The following CLDN11 variants were observed in gnomAD, a reference collection of about 807,000 sequenced individuals.
CLDN11 encodes claudin 11.
In CLDN11, 1 loss-of-function variant was observed where a neutral mutation model predicts 18.0. The observed-to-expected ratio is 0.06, with a 90% CI of 0.02 to 0.26. The LOEUF (loss-of-function observed/expected upper bound fraction) is 0.26, where lower values mean the gene tolerates loss of function less well. CLDN11 is among the 10% of genes least tolerant of loss of function. The probability of loss-of-function intolerance (pLI) is 1.00; values close to 1 mark genes in which losing one functional copy is unlikely to be tolerated. For synonymous variants in CLDN11, 116 were observed against 121.5 expected, an observed-to-expected ratio of 0.96 and a Z score of 0.30; for missense variants, 172 against 276.6, an observed-to-expected ratio of 0.62 and a Z score of 2.68.
chr3:170,431,344 CATTGTTATTATT>C (rs1353365302), intron 2 of CLDN11, among the ~76,000 whole-genome samples: 39 of 152,116 alleles, frequency 2.6e-4, no homozygotes, highest in Non-Finnish European at 3.4e-4. Flanking sequence ...ATGGAAACCT[CATTGTTATTATT>C]ATTGTTATTA....
Position 170,423,553 on chromosome 3 carries a change from A to C in CLDN11, c.391+226A>C, listed in dbSNP as rs547811519. The C allele has an allele frequency of 1.3e-5, 7 of 532,828 alleles. No homozygotes were observed. In the East Asian group the frequency reaches 2.1e-4, roughly 16 times the overall value. The allele number at this position is 532,828 out of a possible 1,614,324, so 33.0% of individuals were successfully genotyped here. On this transcript the variant is annotated intron_variant, in intron 2 of 2. Transcript: ENST00000064724. The stretch of plus-strand genomic sequence containing the variant: ...ACTGACCATGAAGATAAGTTTAAAA[A>C]GAGAAAGAGGATTTTGAAGGTAGGA...
chr3:170,427,900 G>T (rs1390138534), intron 2 of CLDN11, among the ~76,000 whole-genome samples: 1 of 151,744 alleles, frequency 6.6e-6, no homozygotes, highest in Non-Finnish European at 1.5e-5. Context: ...GTTCACGCCT[G>T]TAATCTAGCA....
Position 170,419,277 on chromosome 3 carries a change from A to C in CLDN11, c.211A>C (p.Ile71Leu), listed in dbSNP as rs1738663317. The C allele has an allele frequency of 6.4e-7, 1 of 1,561,058 alleles. No individual in the cohort carries two copies. The highest frequency in any genetic ancestry group is 1.2e-5 in the South Asian group (1 of 84,730). Residue 71 changes from isoleucine to leucine, a missense_variant, in exon 1 of 3, where the codon ATC becomes CTC. By Grantham distance (5) the Ile-to-Leu change is conservative (BLOSUM62 2). Transcript: ENST00000064724. The surrounding 1 kb of genome is among the most constrained non-coding windows in gnomAD (Gnocchi z 8.6). ...GLYHCKPLVD[I>L]LILPGYVQAC... ...GTACCACTGCAAGCCCCTGGTGGACATCCTCATCCTGCCGGGTAAGGACCC... is the reference window on the plus strand; with the variant it reads ...GTACCACTGCAAGCCCCTGGTGGACCTCCTCATCCTGCCGGGTAAGGACCC...
chr3:170,418,903 G>C lies in CLDN11; in HGVS notation c.-164G>C. 1 of 584,458 alleles carries C rather than the reference G, an allele frequency of 1.7e-6. No individual in the cohort carries two copies. Among genetic ancestry groups the C allele is most frequent in the Non-Finnish European group, 3.0e-6 (1 of 331,372 alleles). 36.2% of individuals were successfully genotyped at this position (584,458 alleles called of 1,614,324 possible). On this transcript the variant is annotated 5_prime_UTR_variant, in exon 1 of 3. Transcript: ENST00000064724. The surrounding 1 kb of genome is among the most constrained non-coding windows in gnomAD (Gnocchi z 4.3). ...TCCCCGCCGTGCGCCCTTCGCCGCTGAGCTCGCAGCCTCCGGCGCCCACCT... is the reference window on the plus strand; with the variant it reads ...TCCCCGCCGTGCGCCCTTCGCCGCTCAGCTCGCAGCCTCCGGCGCCCACCT...
At position 170,420,284 on chromosome 3, in the gene CLDN11, C is replaced by A. The variant is rs183630175; in HGVS notation, c.226+992C>A. 2.9e-3 allele frequency among the ~76,000 whole-genome samples: 435 copies of A among 152,344 alleles called. 3 individuals carry two copies. The highest frequency in any genetic ancestry group is 0.01 in the African/African-American group (422 of 41,582). ...TCTGCTGGAATCTCTGCTCTACCCC[C>A]AAGGCATGTCCCTACAAGGTGGGCT... is the stretch of plus-strand genomic sequence containing the variant. On this transcript the variant is annotated intron_variant, in intron 1 of 2. Transcript: ENST00000064724.
chr3:170,427,581 A>G (rs1454180581), intron 2 of CLDN11, among the ~76,000 whole-genome samples: 2 of 152,130 alleles, frequency 1.3e-5, no homozygotes, highest in Non-Finnish European at 2.9e-5. Context: ...AGATCGCACC[A>G]TTGCACTCCA....
At chr3:170,420,280 C>T (rs575392528) in intron 1 of CLDN11, among the ~76,000 whole-genome samples, 9 of 152,038 alleles carry the variant, frequency 5.9e-5, no homozygotes, top group African/African-American at 2.2e-4. Flanking sequence ...CTCTGCTCTA[C>T]CCCCAAGGCA....
intron 2 of CLDN11, among the ~76,000 whole-genome samples, chr3:170,431,723 C>T (rs1739006865): frequency 6.6e-6 from 1 of 152,082 alleles, no homozygotes; most frequent in Non-Finnish European, 1.5e-5. Flanking sequence ...AAAATCAAAA[C>T]CAAAATGAAG....
intron 2 of CLDN11, among the ~76,000 whole-genome samples, chr3:170,427,340 G>T (rs1738882327): frequency 6.6e-6 from 1 of 152,136 alleles, no homozygotes; most frequent in Non-Finnish European, 1.5e-5. Flanking sequence ...GTTCTTTCAG[G>T]GCTGGACGTG....
chr3:170,427,636 CA>C (rs1288702641), intron 2 of CLDN11, among the ~76,000 whole-genome samples: 1 of 150,718 alleles, frequency 6.6e-6, no homozygotes, highest in Non-Finnish European at 1.5e-5. Flanking sequence ...AAACAAAAAA[CA>C]AAAAAACCAA....
At chr3:170,422,964 C>G in intron 1 of CLDN11, 199 bp from the exon 2 acceptor site, 1 of 598,500 alleles carries the variant, frequency 1.7e-6, no homozygotes, top group South Asian at 2.4e-5. Context: ...CATTTAGTTT[C>G]TCCAGCCCCC....
At chr3:170,427,519 G>A (rs563460713) in intron 2 of CLDN11, among the ~76,000 whole-genome samples, 2 of 152,174 alleles carry the variant, frequency 1.3e-5, no homozygotes, top group South Asian at 2.1e-4. Flanking sequence ...TACTTGGGAG[G>A]CTGAGGCAGG....
In CLDN11 at chr3:170,432,768, G is replaced by T; in HGVS notation, c.*12G>T. 1 of 1,613,436 alleles carries T rather than the reference G, an allele frequency of 6.2e-7. No individual in the cohort carries two copies. The highest frequency in any genetic ancestry group is 8.5e-7 in the Non-Finnish European group (1 of 1,179,354). Reference sequence around the variant, plus strand: ...GTGCCCACGTATAAGAGGGCTGCCCGGCTGCCCACAGAGGTGCTGTAGATG... The same window carrying T: ...GTGCCCACGTATAAGAGGGCTGCCCTGCTGCCCACAGAGGTGCTGTAGATG... On this transcript the variant is annotated 3_prime_UTR_variant, in exon 3 of 3. Transcript: ENST00000064724.
At position 170,420,000 on chromosome 3, in the gene CLDN11, G is replaced by A. The variant is rs957719297; in HGVS notation, c.226+708G>A. Among the ~76,000 whole-genome samples the A allele has an allele frequency of 1.3e-5, 2 of 152,250 alleles. No homozygotes were observed. The highest frequency in any genetic ancestry group is 4.8e-5 in the African/African-American group (2 of 41,470). ...ACGCCGGCTCCCGCTCCGCGCCGCT[G>A]GGTTGGATAGGGACGAGCGGGCGCT... On this transcript the variant is annotated intron_variant, in intron 1 of 2. Coordinates refer to ENST00000064724, the MANE Select transcript of CLDN11 (RefSeq NM_005602.6). This position sits in a 1 kb window ranked among gnomAD's most constrained non-coding sequence, Gnocchi z 8.6.
chr3:170,421,156 G>C (rs1032329255), intron 1 of CLDN11: 3 of 283,098 alleles, frequency 1.1e-5, no homozygotes, highest in East Asian at 4.2e-4. Context: ...TGGGGGTGGG[G>C]GGGGGGTGGG....
rs1452204181 is a variant in CLDN11 at position 170,432,856 on chromosome 3, C to G, written c.*100C>G. On this transcript the variant is annotated 3_prime_UTR_variant, in exon 3 of 3. Transcript: ENST00000064724. ...GGGAAGCCCATTCCTCTGCCAGGCT[C>G]TAAAGCCAAAGGTCTAGAAAAGCAT... The G allele has an allele frequency of 8.6e-7, 1 of 1,156,946 alleles. No homozygotes were observed. Among genetic ancestry groups the G allele is most frequent in the Non-Finnish European group, 1.3e-6 (1 of 784,518 alleles). The allele number at this position is 1,156,946 out of a possible 1,614,324, so 71.7% of individuals were successfully genotyped here. A position where few individuals can be genotyped will look rare whatever the true frequency, so the allele number is the denominator to read the frequency against.
At chr3:170,427,806 CAA>C (rs1175282704) in intron 2 of CLDN11, among the ~76,000 whole-genome samples, 25 of 56,070 alleles carry the variant, frequency 4.5e-4, no homozygotes, top group Non-Finnish European at 5.6e-4. Context: ...GAGACTGTCT[CAA>C]AAAAAAAAAA....
At chr3:170,426,017 C>G (rs1738843927) in intron 2 of CLDN11, among the ~76,000 whole-genome samples, 1 of 152,134 alleles carries the variant, frequency 6.6e-6, no homozygotes, top group Non-Finnish European at 1.5e-5. Flanking sequence ...TGGACTGTTT[C>G]TGTCACTCCC....
At chr3:170,423,004 A>G (rs1477211) in intron 1 of CLDN11, 159 bp from the exon 2 acceptor site, 623,157 of 758,440 alleles carry the variant, frequency 0.82, 258,111 homozygotes, top group East Asian at 0.99. Flanking sequence ...TTTAAAAGTT[A>G]AAAAGTGCTT....
Sources: gnomAD v4.1 joint callset for allele counts (sites outside exome capture counted in the v4.1 genomes callset) on GRCh38, gnomAD v4.1.1 for gene constraint, Gnocchi (gnomAD v3.1) non-coding constraint, MANE v1.5 for transcripts, NCBI Gene and HGNC (gene_info 2026-07-23, HGNC 2026-07-21) for gene names.